Variants in INPP5D observed in about 807,000 individuals in gnomAD.
INPP5D encodes phosphatidylinositol 3,4,5-trisphosphate 5-phosphatase 1.
INPP5D carries 33 observed loss-of-function variants against 122.9 expected under a neutral mutation model. That is an observed-to-expected ratio of 0.27 (90% CI 0.20 to 0.36). The LOEUF (loss-of-function observed/expected upper bound fraction) is 0.36, where lower values mean the gene tolerates loss of function less well. Among genes scored for constraint, INPP5D ranks in the 10% least tolerant of loss-of-function variants. The pLI is 1.00. For synonymous variants in INPP5D, 584 were observed against 576.2 expected, an observed-to-expected ratio of 1.01 and a Z score of -0.19; for missense variants, 1,053 against 1,412.7, an observed-to-expected ratio of 0.75 and a Z score of 4.08.
At chr2:233,159,581 C>T (rs981486416) in intron 10 of INPP5D, among the ~76,000 whole-genome samples, 2 of 149,132 alleles carry the variant, frequency 1.3e-5, no homozygotes, top group African/African-American at 4.9e-5. Context: ...GTAGTTTCAG[C>T]TACTTGGGAG....
At chr2:233,102,764 G>A (rs952065552) in intron 2 of INPP5D, among the ~76,000 whole-genome samples, 7 of 151,686 alleles carry the variant, frequency 4.6e-5, no homozygotes, top group African/African-American at 1.5e-4. Context: ...GCAGGAGAAT[G>A]GCATGAACCC....
intron 2 of INPP5D, among the ~76,000 whole-genome samples, chr2:233,089,992 C>T (rs991519126): frequency 3.3e-5 from 5 of 152,224 alleles, no homozygotes; most frequent in East Asian, 1.9e-4. Context: ...ACAATCCCCC[C>T]GCCCAGCGTC....
chr2:233,104,928 G>A (rs1001428367), intron 2 of INPP5D, among the ~76,000 whole-genome samples: 6 of 152,194 alleles, frequency 3.9e-5, no homozygotes, highest in Admixed American at 6.5e-5. Context: ...GTGGTTTCAG[G>A]TGAAGTCTCA....
intron 18 of INPP5D, among the ~76,000 whole-genome samples, chr2:233,178,981 A>T (rs1559337480): frequency 6.6e-6 from 1 of 152,174 alleles, no homozygotes; most frequent in African/African-American, 2.4e-5. Context: ...ACTGACTTCC[A>T]TTCCAGTGCC....
rs572023693 is a variant in INPP5D at position 233,127,672 on chromosome 2, G to A, written c.524+1753G>A. ...TGCCCAGGCTGGAGTGCAAAGGCAC[G>A]ATCTCAGCTCACTGCAACCTCCCCC... On this transcript the variant is annotated intron_variant, in intron 4 of 26. Coordinates refer to ENST00000445964, the MANE Select transcript of INPP5D (RefSeq NM_001017915.3). Among the ~76,000 whole-genome samples the A allele has an allele frequency of 2.6e-3, 392 of 152,298 alleles. 2 individuals carry two copies. The highest frequency in any genetic ancestry group is 8.9e-3 in the African/African-American group (371 of 41,568).
intron 25 of INPP5D, among the ~76,000 whole-genome samples, chr2:233,200,283 A>T (rs1559348899): frequency 2.0e-5 from 3 of 152,228 alleles, no homozygotes; most frequent in Non-Finnish European, 4.4e-5. Flanking sequence ...TCGTGGATAC[A>T]CAAGTGGGGA....
chr2:233,061,454 G>A (rs573181204), intron 1 of INPP5D, among the ~76,000 whole-genome samples: 12 of 152,212 alleles, frequency 7.9e-5, no homozygotes, highest in Non-Finnish European at 1.3e-4. Flanking sequence ...TCATTTTGCC[G>A]GGGCCTCAGG....
At chr2:233,169,209 T>C in intron 13 of INPP5D, 96 bp from the exon 14 acceptor site, 2 of 1,524,302 alleles carry the variant, frequency 1.3e-6, no homozygotes, top group Middle Eastern at 2.1e-4. Context: ...AGCTCCTCAC[T>C]CACTGCCCCT....
chr2:233,073,500 C>T (rs979844593), intron 1 of INPP5D, among the ~76,000 whole-genome samples: 2 of 151,950 alleles, frequency 1.3e-5, no homozygotes, highest in African/African-American at 4.8e-5. Context: ...ATTAGCCGAA[C>T]ATGGTGGCGG....
At chr2:233,198,072 G>GT in intron 24 of INPP5D, 23 bp from the exon 25 acceptor site, 1 of 1,546,762 alleles carries the variant, frequency 6.5e-7, no homozygotes, top group Non-Finnish European at 8.7e-7. Context: ...CCCCTGAGAT[G>GT]TGACTCCATG....
intron 2 of INPP5D, among the ~76,000 whole-genome samples, chr2:233,121,130 T>TTTC: frequency 1.4e-5 from 2 of 141,560 alleles, no homozygotes; most frequent in Non-Finnish European, 3.1e-5. Context: ...TCTTTTTTTT[T>TTTC]TTTCTTTTTT....
In INPP5D at chr2:233,204,288, A is replaced by G; in HGVS notation, c.3138A>G (p.Glu1046=). 6.2e-7 allele frequency: 1 copy of G among 1,612,880 alleles called. No homozygotes were observed. Among genetic ancestry groups the G allele is most frequent in the Non-Finnish European group, 8.5e-7 (1 of 1,179,690 alleles). Residue 1046 remains glutamate (E), a synonymous_variant, in exon 26 of 27, where the codon GAA becomes GAG. Transcript: ENST00000445964. ...AATCCCCCAAAATGCCGCGGAAGGA[A>G]CCCCCGCCCTGCCCGGAACCCGGCA... ...DQESPKMPRK[E]PPPCPEPGIL...
At chr2:233,179,860 C>G (rs542985432) in intron 18 of INPP5D, among the ~76,000 whole-genome samples, 43 of 152,312 alleles carry the variant, frequency 2.8e-4, no homozygotes, top group African/African-American at 9.9e-4. Flanking sequence ...TATCAGCTGT[C>G]TATTGCTGCA....
At chr2:233,176,315 C>CAATG (rs1291029845) in intron 17 of INPP5D, among the ~76,000 whole-genome samples, 16 of 20,666 alleles carry the variant, frequency 7.7e-4, no homozygotes, top group East Asian at 6.7e-3. Flanking sequence ...TGGATGGGTG[C>CAATG]GATGGATGGA....
chr2:233,155,035 A>G (rs1396423376), intron 9 of INPP5D, among the ~76,000 whole-genome samples: 1 of 152,178 alleles, frequency 6.6e-6, no homozygotes, highest in Non-Finnish European at 1.5e-5. Context: ...TGGAGAGATC[A>G]GATTCTACAG....
At chr2:233,157,187 G>A (rs1404428097) in intron 9 of INPP5D, among the ~76,000 whole-genome samples, 2 of 152,198 alleles carry the variant, frequency 1.3e-5, no homozygotes, top group Admixed American at 1.3e-4. Flanking sequence ...CTACCAAAAT[G>A]AGGGTGTAAA....
chr2:233,083,795 G>A (rs369451437), intron 2 of INPP5D, among the ~76,000 whole-genome samples: 42 of 152,222 alleles, frequency 2.8e-4, no homozygotes, highest in African/African-American at 9.9e-4. Context: ...CAGACGTGTC[G>A]CATAAATGGC....
intron 2 of INPP5D, among the ~76,000 whole-genome samples, chr2:233,099,457 C>T (rs949569072): frequency 6.6e-6 from 1 of 152,210 alleles, no homozygotes; most frequent in Non-Finnish European, 1.5e-5. Context: ...GAACCAACAG[C>T]ACAGACGCCT....
chr2:233,124,474 C>T (rs1216725953), intron 3 of INPP5D, among the ~76,000 whole-genome samples: 3 of 152,226 alleles, frequency 2.0e-5, no homozygotes, highest in Non-Finnish European at 4.4e-5. Context: ...CAGGCAGGCC[C>T]TGTCCCTTTT....
Sources: allele counts gnomAD v4.1 joint callset (sites outside exome capture counted in the v4.1 genomes callset), GRCh38; gene constraint gnomAD v4.1.1; transcripts MANE v1.5; gene names NCBI Gene and HGNC (gene_info 2026-07-23, HGNC 2026-07-21).